HMCES: variants seen among roughly 807,000 people sequenced by gnomAD.
The protein encoded by HMCES is 5-hydroxymethylcytosine binding, ES cell specific, also known as abasic site processing protein HMCES.
HMCES carries 27 observed loss-of-function variants against 35.1 expected under a neutral mutation model. That is an observed-to-expected ratio of 0.77 (90% CI 0.57 to 1.06). HMCES has a LOEUF of 1.06. Ranked by LOEUF, HMCES falls within the 50% of genes least tolerant of loss-of-function variation. The pLI is 0.00. For synonymous variants in HMCES, 130 were observed against 154.7 expected, an observed-to-expected ratio of 0.84 and a Z score of 1.18; for missense variants, 391 against 430.4, an observed-to-expected ratio of 0.91 and a Z score of 0.81.
At chr3:129,281,536 C>T (rs1057053380) in intron 2 of HMCES, among the ~76,000 whole-genome samples, 3 of 151,578 alleles carry the variant, frequency 2.0e-5, no homozygotes, top group African/African-American at 7.3e-5. Context: ...ACTGCAAATA[C>T]AAAAATTAGC....
chr3:129,298,654 G>A, intron 5 of HMCES, 119 bp downstream of exon 5: 1 of 819,132 alleles, frequency 1.2e-6, no homozygotes. Context: ...GTTACAATCA[G>A]TTTGACTCTA....
At chr3:129,296,789 G>A (rs1306719700) in intron 4 of HMCES, among the ~76,000 whole-genome samples, 1 of 152,118 alleles carries the variant, frequency 6.6e-6, no homozygotes, top group Non-Finnish European at 1.5e-5. Flanking sequence ...TTTTGAGACA[G>A]AGTCTCCCTC....
chr3:129,281,093 G>A (rs781665931), intron 2 of HMCES, among the ~76,000 whole-genome samples: 1 of 151,936 alleles, frequency 6.6e-6, no homozygotes, highest in Non-Finnish European at 1.5e-5. Flanking sequence ...ATGGTGGCAC[G>A]CACCTGTAGT....
At chr3:129,297,612 G>C (rs1433331996) in intron 4 of HMCES, among the ~76,000 whole-genome samples, 1 of 151,976 alleles carries the variant, frequency 6.6e-6, no homozygotes, top group Admixed American at 6.6e-5. Flanking sequence ...GCAGCTCCTA[G>C]GGATTCTGTA....
chr3:129,284,244 CT>C lies in HMCES; in HGVS notation c.183+4330del, dbSNP rs1940574730. Among the ~76,000 whole-genome samples the C allele has an allele frequency of 2.0e-5, 3 of 152,264 alleles. No homozygotes were observed. In the South Asian group the frequency reaches 6.2e-4, roughly 32 times the overall value. On this transcript the variant is annotated intron_variant, in intron 2 of 6. Transcript: ENST00000383463. The stretch of plus-strand genomic sequence containing the variant: ...CAGTTTAGTGCCATGTGTGATTTCA[CT>C]GTTTAAAATGATCCCAAGCATAGCA...
chr3:129,286,140 T>G (rs1053568406), intron 2 of HMCES, among the ~76,000 whole-genome samples: 1 of 152,254 alleles, frequency 6.6e-6, no homozygotes, highest in African/African-American at 2.4e-5. Flanking sequence ...ACTGCCTGTT[T>G]GTATAAAGTC....
intron 2 of HMCES, among the ~76,000 whole-genome samples, chr3:129,285,538 T>G (rs922128699): frequency 1.3e-4 from 20 of 151,996 alleles, no homozygotes; most frequent in African/African-American, 4.6e-4. Flanking sequence ...TGCAAGCTCT[T>G]CCTCCCGGGT....
In HMCES at chr3:129,288,919, A is replaced by G; in HGVS notation, c.249A>G (p.Lys83=). 1 of 1,602,712 alleles carries G rather than the reference A, an allele frequency of 6.2e-7. No homozygotes were observed. Reference sequence around the variant, plus strand: ...GGGGCTTGGTCCCTTCTTGGTTCAAAGAAAGTGATCCTTCCAAGCTGCAGT... The same window carrying G: ...GGGGCTTGGTCCCTTCTTGGTTCAAGGAAAGTGATCCTTCCAAGCTGCAGT... ...MRWGLVPSWF[K]ESDPSKLQFN... is the part of the protein sequence containing the mutation. Residue 83 remains lysine, a synonymous_variant, in exon 3 of 7, where the codon AAA becomes AAG. Transcript: ENST00000383463.
chr3:129,287,260 T>C (rs919260307), intron 2 of HMCES, among the ~76,000 whole-genome samples: 1 of 152,006 alleles, frequency 6.6e-6, no homozygotes, highest in Non-Finnish European at 1.5e-5. Context: ...TCCTGCTCCG[T>C]GGTCCAGGTT....
At chr3:129,300,753 A>C (rs2071152712) in intron 5 of HMCES, among the ~76,000 whole-genome samples, 1 of 151,338 alleles carries the variant, frequency 6.6e-6, no homozygotes, top group Non-Finnish European at 1.5e-5. Context: ...AAAAATGGCC[A>C]GGCGCGGTGG....
At chr3:129,299,959 G>T (rs1560077926) in intron 5 of HMCES, among the ~76,000 whole-genome samples, 1 of 151,712 alleles carries the variant, frequency 6.6e-6, no homozygotes, top group African/African-American at 2.4e-5. Flanking sequence ...TCCAGCCATG[G>T]TCATTTTTTT....
intron 2 of HMCES, among the ~76,000 whole-genome samples, chr3:129,285,683 G>A (rs1940618019): frequency 6.6e-6 from 1 of 151,372 alleles, no homozygotes; most frequent in Non-Finnish European, 1.5e-5. Flanking sequence ...TCGATCTCCT[G>A]ACCTCATGAG....
intron 6 of HMCES, 45 bp downstream of exon 6, chr3:129,302,187 T>G: frequency 6.7e-7 from 1 of 1,487,588 alleles, no homozygotes; most frequent in Non-Finnish European, 9.1e-7. Flanking sequence ...CTTTCTGTCT[T>G]CTGTCAGTGT....
intron 2 of HMCES, among the ~76,000 whole-genome samples, chr3:129,281,833 G>A (rs898278936): frequency 5.5e-5 from 8 of 146,400 alleles, no homozygotes; most frequent in African/African-American, 2.0e-4. Flanking sequence ...ATGAAACTCT[G>A]TCTGTACTAT....
intron 4 of HMCES, 99 bp from the exon 5 acceptor site, chr3:129,298,255 A>G: frequency 8.9e-7 from 1 of 1,121,072 alleles, no homozygotes; most frequent in Non-Finnish European, 1.3e-6. Flanking sequence ...AATTACTTTT[A>G]AAATGATTTC....
chr3:129,289,837 A>C (rs905464026), intron 3 of HMCES, among the ~76,000 whole-genome samples: 18 of 152,156 alleles, frequency 1.2e-4, no homozygotes, highest in Non-Finnish European at 1.8e-4. Context: ...GATTGCTTTT[A>C]TGTACATTAT....
At position 129,304,765 on chromosome 3, in the gene HMCES, G is replaced by C. The variant is rs2071215135; in HGVS notation, c.1005G>C (p.Glu335Asp). Reference protein sequence around the residue: ...PTKRGTAGLLEQWLKREKEEE... With the variant: ...PTKRGTAGLLDQWLKREKEEE... Reference sequence around the variant, plus strand: ...AGAGAGGCACTGCAGGACTCCTAGAGCAATGGCTGAAGCGGGAGAAGGAGG... The same window carrying C: ...AGAGAGGCACTGCAGGACTCCTAGACCAATGGCTGAAGCGGGAGAAGGAGG... Residue 335 changes from glutamate (E) to aspartate (D), a missense_variant, in exon 7 of 7, where the codon GAG (glutamate) becomes GAC (aspartate). Coordinates refer to ENST00000383463, the MANE Select transcript of HMCES (RefSeq NM_020187.3). 3 of 1,614,068 alleles carry C rather than the reference G, an allele frequency of 1.9e-6. No homozygotes were observed. The highest frequency in any genetic ancestry group is 2.5e-6 in the Non-Finnish European group (3 of 1,180,032).
At chr3:129,295,009 A>G (rs547548308) in intron 4 of HMCES, among the ~76,000 whole-genome samples, 4 of 151,984 alleles carry the variant, frequency 2.6e-5, no homozygotes, top group Non-Finnish European at 5.9e-5. Flanking sequence ...CACACAAAAA[A>G]TTAGCCGGGC....
intron 4 of HMCES, among the ~76,000 whole-genome samples, chr3:129,296,726 T>C (rs2071097540): frequency 6.6e-6 from 1 of 152,176 alleles, no homozygotes; most frequent in African/African-American, 2.4e-5. Flanking sequence ...GGAATTGAAC[T>C]GGGTTTGGGC....
Sources: gnomAD v4.1 joint callset for allele counts (sites outside exome capture counted in the v4.1 genomes callset) on GRCh38, gnomAD v4.1.1 for gene constraint, MANE v1.5 for transcripts, NCBI Gene and HGNC (gene_info 2026-07-23, HGNC 2026-07-21) for gene names.